The following DLG1 variants were observed in gnomAD, a reference collection of about 807,000 sequenced individuals.
The protein encoded by DLG1 is disks large homolog 1.
Under a neutral mutation model 123.4 loss-of-function variants are expected in DLG1, and 42 were observed. The ratio of observed to expected loss-of-function variants is 0.34; its 90% CI spans 0.27 to 0.44. The LOEUF (loss-of-function observed/expected upper bound fraction) is 0.44. Among genes scored for constraint, DLG1 ranks in the 20% least tolerant of loss-of-function variants. The probability of loss-of-function intolerance (pLI) is 1.00; values close to 1 mark genes in which losing one functional copy is unlikely to be tolerated. For synonymous variants in DLG1, 317 were observed against 356.2 expected (o/e 0.89, Z 1.24); for missense variants, 942 against 1,082.6 (o/e 0.87, Z 1.82).
At position 197,090,156 on chromosome 3, in the gene DLG1, AGAT is replaced by A. The variant is rs199903035; in HGVS notation, c.1661+753_1661+755del. 2.2e-4 allele frequency among the ~76,000 whole-genome samples: 34 copies of A among 152,302 alleles called. No individual in the cohort carries two copies. In the East Asian group the frequency reaches 6.4e-3, roughly 28 times the overall value. On this transcript the variant is annotated intron_variant, in intron 15 of 24. Coordinates refer to ENST00000667157, the MANE Select transcript of DLG1 (RefSeq NM_001366207.1). ...TCCCCCAACAGAATCAGGACGACTGAGATGATAATTTATAAAGAATGGTTCAGA... is the reference window on the plus strand; with the variant it reads ...TCCCCCAACAGAATCAGGACGACTGAGATAATTTATAAAGAATGGTTCAGA...
chr3:197,086,130 A>G (rs1278044273), intron 15 of DLG1, among the ~76,000 whole-genome samples: 1 of 152,130 alleles, frequency 6.6e-6, no homozygotes, highest in Non-Finnish European at 1.5e-5. Context: ...CATGTAGGAA[A>G]ACAAATTCCC....
At chr3:197,047,566 A>AT (rs1724194481) in intron 24 of DLG1, among the ~76,000 whole-genome samples, 1 of 152,184 alleles carries the variant, frequency 6.6e-6, no homozygotes, top group African/African-American at 2.4e-5. Flanking sequence ...GGCGAGTAAA[A>AT]TAAGAATATT....
At chr3:197,216,318 G>A (rs970494951) in intron 4 of DLG1, among the ~76,000 whole-genome samples, 2 of 152,098 alleles carry the variant, frequency 1.3e-5, no homozygotes, top group African/African-American at 4.8e-5. Flanking sequence ...GGCCTGCGTT[G>A]AAAGATTCCC....
intron 4 of DLG1, among the ~76,000 whole-genome samples, chr3:197,263,654 G>A (rs1050488470): frequency 2.0e-5 from 3 of 152,078 alleles, no homozygotes; most frequent in Non-Finnish European, 4.4e-5. Flanking sequence ...AGGCGTGGTG[G>A]CGCATGCCTG....
intron 14 of DLG1, among the ~76,000 whole-genome samples, chr3:197,099,620 T>G (rs1028531470): frequency 2.0e-5 from 3 of 152,208 alleles, no homozygotes; most frequent in Admixed American, 6.5e-5. Flanking sequence ...TGATATCCCC[T>G]TTCAAATTTT....
At chr3:197,164,429 C>T (rs1370453221) in intron 5 of DLG1, among the ~76,000 whole-genome samples, 1 of 151,754 alleles carries the variant, frequency 6.6e-6, no homozygotes, top group Non-Finnish European at 1.5e-5. Context: ...AACTCTTTGA[C>T]TTAGTAATTC....
intron 23 of DLG1, among the ~76,000 whole-genome samples, chr3:197,058,107 T>G (rs754732658): frequency 2.4e-4 from 37 of 152,146 alleles, no homozygotes; most frequent in African/African-American, 8.0e-4. Flanking sequence ...GCATCCCAAG[T>G]AGCTGAGACC....
At chr3:197,184,077 A>G in intron 5 of DLG1, 1 of 1,218,840 alleles carries the variant, frequency 8.2e-7, no homozygotes, top group South Asian at 2.4e-5. Flanking sequence ...CTTTCTCATG[A>G]TTATTTTTTC....
intron 5 of DLG1, among the ~76,000 whole-genome samples, chr3:197,187,817 AC>A (rs1390187071): frequency 6.6e-6 from 1 of 152,186 alleles, no homozygotes; most frequent in Non-Finnish European, 1.5e-5. Flanking sequence ...CCCAAAATTT[AC>A]CCACTGTGTC....
At chr3:197,271,067 C>T (rs970065708) in intron 4 of DLG1, among the ~76,000 whole-genome samples, 3 of 152,100 alleles carry the variant, frequency 2.0e-5, no homozygotes, top group Non-Finnish European at 4.4e-5. Flanking sequence ...AGACACTGTA[C>T]CAGATTTGGT....
At chr3:197,237,435 G>C (rs1746559503) in intron 4 of DLG1, among the ~76,000 whole-genome samples, 1 of 152,142 alleles carries the variant, frequency 6.6e-6, no homozygotes, top group Admixed American at 6.5e-5. Flanking sequence ...GGCTTTTGTT[G>C]CCACAGGAAC....
At position 197,051,604 on chromosome 3, in the gene DLG1, C is replaced by G. The variant is rs2148710754; in HGVS notation, c.2548G>C (p.Glu850Gln). The change falls in exon 24 of 25, where the codon GAA becomes CAA. Residue 850 changes from glutamate to glutamine, a missense_variant. Physicochemically the swap from Glu to Gln is conservative, Grantham distance 29. Transcript: ENST00000667157. ...RKTFERAMKL[E>Q]QEFTEHFTAI... ...GTGAAATGTTCAGTAAACTCCTGTT[C>G]CAGTTTCATGGCTCTCTCAAATGTT... The G allele has an allele frequency of 6.2e-7, 1 of 1,613,868 alleles. No homozygotes were observed. The highest frequency in any genetic ancestry group is 2.2e-5 in the East Asian group (1 of 44,874).
At chr3:197,238,386 A>G (rs967676902) in intron 4 of DLG1, among the ~76,000 whole-genome samples, 1 of 152,240 alleles carries the variant, frequency 6.6e-6, no homozygotes, top group Non-Finnish European at 1.5e-5. Context: ...ATGAACAATT[A>G]CAAATATACA....
intron 12 of DLG1, among the ~76,000 whole-genome samples, chr3:197,116,293 CTG>C (rs778690414): frequency 1.3e-5 from 2 of 151,426 alleles, no homozygotes; most frequent in African/African-American, 2.4e-5. Context: ...AGCAAAAAAC[CTG>C]TGTTATATAA....
intron 4 of DLG1, among the ~76,000 whole-genome samples, chr3:197,233,208 T>A (rs1372036965): frequency 2.0e-5 from 3 of 152,002 alleles, no homozygotes; most frequent in Admixed American, 6.6e-5. Flanking sequence ...GCATAAAAAA[T>A]TTAGTAATAA....
chr3:197,166,862 G>A (rs1302372688), intron 5 of DLG1, among the ~76,000 whole-genome samples: 1 of 151,604 alleles, frequency 6.6e-6, no homozygotes, highest in Non-Finnish European at 1.5e-5. Context: ...ATTCCACTCC[G>A]GCCTGGGCAA....
At chr3:197,091,767 C>CT (rs1010078712) in intron 14 of DLG1, among the ~76,000 whole-genome samples, 1 of 152,010 alleles carries the variant, frequency 6.6e-6, no homozygotes, top group Non-Finnish European at 1.5e-5. Context: ...AAACACATAT[C>CT]TTTTTTCCCC....
intron 19 of DLG1, among the ~76,000 whole-genome samples, chr3:197,067,618 C>T (rs1195572104): frequency 7.6e-6 from 1 of 131,002 alleles, no homozygotes; most frequent in African/African-American, 3.1e-5. Flanking sequence ...AGTGCAATGG[C>T]ATGATCTCAG....
chr3:197,115,167 A>G (rs1272086840), intron 13 of DLG1, among the ~76,000 whole-genome samples: 2 of 152,168 alleles, frequency 1.3e-5, no homozygotes, highest in African/African-American at 2.4e-5. Context: ...TTTAATAAAC[A>G]AAAATAAAAA....
Sources: allele counts gnomAD v4.1 joint callset (sites outside exome capture counted in the v4.1 genomes callset), GRCh38; gene constraint gnomAD v4.1.1; transcripts MANE v1.5; gene names NCBI Gene and HGNC (gene_info 2026-07-23, HGNC 2026-07-21).